The following SYNE3 variants were observed in gnomAD, a reference collection of about 807,000 sequenced individuals.
SYNE3 encodes spectrin repeat containing nuclear envelope family member 3.
A neutral mutation model predicts 111.2 loss-of-function variants in SYNE3; 100 were observed. The observed-to-expected ratio is 0.90, with a 90% confidence interval of 0.77 to 1.06. The LOEUF (loss-of-function observed/expected upper bound fraction) is 1.06, where lower values mean the gene tolerates loss of function less well. Ranked by LOEUF, SYNE3 falls within the 50% of genes least tolerant of loss-of-function variation. SYNE3 has a pLI of 0.00. For synonymous variants in SYNE3, 547 were observed against 533.9 expected (o/e 1.02, Z -0.34); for missense variants, 1,160 against 1,240.3 (o/e 0.94, Z 0.97).
At chr14:95,446,155 G>A in intron 8 of SYNE3, 64 bp from the exon 9 acceptor site, 1 of 1,579,236 alleles carries the variant, frequency 6.3e-7, no homozygotes, top group Non-Finnish European at 8.6e-7. Flanking sequence ...AACAGAGCCA[G>A]GGGCACAACT....
chr14:95,505,367 C>G (rs1365786302), intron 1 of SYNE3, among the ~76,000 whole-genome samples: 1 of 152,200 alleles, frequency 6.6e-6, no homozygotes, highest in Non-Finnish European at 1.5e-5. Context: ...GGAAACCCTG[C>G]TATGCATACA....
chr14:95,501,427 G>T (rs750977391), intron 1 of SYNE3, among the ~76,000 whole-genome samples: 3 of 152,180 alleles, frequency 2.0e-5, no homozygotes, highest in Non-Finnish European at 2.9e-5. Flanking sequence ...TCTTTGCTCC[G>T]TGTGTTCAGC....
rs769776181 is a variant in SYNE3 at position 95,468,010 on chromosome 14, CA to C, written c.145-44del. The stretch of plus-strand genomic sequence containing the variant: ...GCCAGTTTCCAGGGTTGGCAAAAGG[CA>C]GACAGGCACAACCTTGGGAAGATAG... On this transcript the variant is annotated intron_variant, in intron 2 of 17. Coordinates refer to ENST00000682763, the MANE Select transcript of SYNE3 (RefSeq NM_152592.6). 3.8e-6 allele frequency: 6 copies of C among 1,580,034 alleles called. No individual in the cohort carries two copies. In the East Asian group the frequency reaches 1.1e-4, roughly 30 times the overall value.
intron 1 of SYNE3, 23 bp from the exon 2 acceptor site, chr14:95,475,858 G>C: frequency 6.8e-7 from 1 of 1,464,360 alleles, no homozygotes; most frequent in Non-Finnish European, 9.1e-7. Context: ...CCACAGATAA[G>C]GCCAACAGGC....
At chr14:95,486,361 C>G (rs73343123) in intron 1 of SYNE3, among the ~76,000 whole-genome samples, 1 of 151,990 alleles carries the variant, frequency 6.6e-6, no homozygotes, top group African/African-American at 2.4e-5. Context: ...TCCCCCAGGC[C>G]ACCCCCCACC....
chr14:95,503,946 C>T (rs1304172260), intron 1 of SYNE3, among the ~76,000 whole-genome samples: 1 of 152,114 alleles, frequency 6.6e-6, no homozygotes, highest in Non-Finnish European at 1.5e-5. Context: ...AACTGAAATG[C>T]TTAGAAGAGT....
rs1903396859 is a variant in SYNE3, at chr14:95,410,143, T to C, written c.*7683A>G. 1 of 152,820 alleles carries C rather than the reference T, an allele frequency of 6.5e-6. No individual in the cohort carries two copies. Among genetic ancestry groups the C allele is most frequent in the Non-Finnish European group, 1.5e-5 (1 of 68,554 alleles). The allele number at this position is 152,820 out of a possible 1,614,324, so 9.5% of individuals were successfully genotyped here. A position where few individuals can be genotyped will look rare whatever the true frequency, so the allele number is the denominator to read the frequency against. On this transcript the variant is annotated 3_prime_UTR_variant, in exon 18 of 18. Coordinates refer to ENST00000682763, the MANE Select transcript of SYNE3 (RefSeq NM_152592.6). ...CGGTTCCCAAGCCTTGCAGGAAGAA[T>C]GTCTACAATGCCTTTGGGTAGACCT...
chr14:95,506,714 G>T (rs1234782061), intron 1 of SYNE3, among the ~76,000 whole-genome samples: 1 of 152,196 alleles, frequency 6.6e-6, no homozygotes, highest in Non-Finnish European at 1.5e-5. Flanking sequence ...TGGAACGGGC[G>T]TGACCCAGCA....
chr14:95,443,405 C>T (rs1886519182), intron 10 of SYNE3, 116 bp from the exon 11 acceptor site: 6 of 1,329,154 alleles, frequency 4.5e-6, no homozygotes, highest in African/African-American at 3.0e-5. Flanking sequence ...TTCCCCAAGG[C>T]GGTGGGGCTC....
Position 95,454,566 on chromosome 14 carries a change from G to T in SYNE3, c.1137+811C>A, listed in dbSNP as rs547568401. On this transcript the variant is annotated intron_variant, in intron 6 of 17. Coordinates refer to ENST00000682763, the MANE Select transcript of SYNE3 (RefSeq NM_152592.6). ...AAAGCAGGGGACAGTTCCCTTTGGA[G>T]GAAGGTGATAACTGCAGGGTAACCT... is the stretch of plus-strand genomic sequence containing the variant. Among the ~76,000 whole-genome samples, 26 of 152,372 alleles carry T rather than the reference G, an allele frequency of 1.7e-4. 1 individual carries two copies. Among genetic ancestry groups the T allele is most frequent in the Middle Eastern group, 6.8e-3 (2 of 294 alleles).
rs751938689 is a variant in SYNE3, at chr14:95,436,977, T to C, written c.2381A>G (p.Asn794Ser). 10 of 1,608,618 alleles carry C rather than the reference T, an allele frequency of 6.2e-6. No homozygotes were observed. The highest frequency in any genetic ancestry group is 7.6e-6 in the Non-Finnish European group (9 of 1,177,152). Residue 794 changes from asparagine (N) to serine (S), a missense_variant, in exon 15 of 18, where the codon AAT (asparagine) becomes AGT (serine). Asn to Ser is a conservative substitution (Grantham distance 46, BLOSUM62 1). Coordinates refer to ENST00000682763, the MANE Select transcript of SYNE3 (RefSeq NM_152592.6). Reference sequence around the variant, plus strand: ...GCTCCCTTCTTCTTCCTGTAGAAGATTTGCCTGTAGGATCACACACGGCCA... The same window carrying C: ...GCTCCCTTCTTCTTCCTGTAGAAGACTTGCCTGTAGGATCACACACGGCCA... ...DPIPRHRRRANLLQEEEGSHE... is the reference protein window; with the variant it reads ...DPIPRHRRRASLLQEEEGSHE...
chr14:95,458,686 C>T (rs1054219668), intron 4 of SYNE3, among the ~76,000 whole-genome samples: 3 of 152,224 alleles, frequency 2.0e-5, no homozygotes, highest in African/African-American at 4.8e-5. Flanking sequence ...GGCATCGTCA[C>T]CCACTGGGGG....
chr14:95,466,057 C>G lies in SYNE3; in HGVS notation c.501G>C (p.Ala167=). The change falls in exon 4 of 18, where the codon GCG becomes GCC. Residue 167 remains alanine, a synonymous_variant. Coordinates refer to ENST00000682763, the MANE Select transcript of SYNE3 (RefSeq NM_152592.6). ...CCTCCAGCAGCCGGTCCAGGAGCAC[C>G]GCCTGGTTGTCCACGTTGTGCAGCA... is the stretch of plus-strand genomic sequence containing the variant. ...QVLLHNVDNQ[A]VLLDRLLEEA... 6.2e-7 allele frequency: 1 copy of G among 1,613,394 alleles called. No individual in the cohort carries two copies. Among genetic ancestry groups the G allele is most frequent in the African/African-American group, 1.3e-5 (1 of 75,034 alleles).
chr14:95,428,729 C>T (rs1335008857), intron 17 of SYNE3, among the ~76,000 whole-genome samples: 1 of 152,228 alleles, frequency 6.6e-6, no homozygotes, highest in South Asian at 2.1e-4. Context: ...TGCCATTTCA[C>T]GTGTCTCAAT....
chr14:95,482,196 G>C (rs1889301343), intron 1 of SYNE3, among the ~76,000 whole-genome samples: 1 of 149,994 alleles, frequency 6.7e-6, no homozygotes, highest in Non-Finnish European at 1.5e-5. Flanking sequence ...CACTTTGGGA[G>C]GTCAAGGCAG....
At chr14:95,451,490 G>A (rs1887072988) in intron 7 of SYNE3, 1 of 152,198 alleles carries the variant, frequency 6.6e-6, no homozygotes, top group Non-Finnish European at 1.5e-5. Flanking sequence ...TTTGTGCACA[G>A]GAAATCCAAC....
At chr14:95,466,327 A>C in intron 3 of SYNE3, 87 bp from the exon 4 acceptor site, 14 of 1,406,746 alleles carry the variant, frequency 1.0e-5, no homozygotes, top group South Asian at 1.4e-5. Context: ...CCTCCCCAAT[A>C]CTAGGGGGCT....
intron 15 of SYNE3, among the ~76,000 whole-genome samples, chr14:95,434,036 G>A (rs1454565801): frequency 1.3e-5 from 2 of 152,030 alleles, no homozygotes; most frequent in Non-Finnish European, 2.9e-5. Flanking sequence ...TTAACTTGAG[G>A]AACGGAAAGT....
intron 11 of SYNE3, among the ~76,000 whole-genome samples, 176 bp from the exon 12 acceptor site, chr14:95,440,251 C>G (rs1886342618): frequency 6.6e-6 from 1 of 152,222 alleles, no homozygotes; most frequent in African/African-American, 2.4e-5. Context: ...AGGAATTTAC[C>G]CTTGGAAGAT....
Sources: gnomAD v4.1 joint callset for allele counts (sites outside exome capture counted in the v4.1 genomes callset) on GRCh38, gnomAD v4.1.1 for gene constraint, MANE v1.5 for transcripts, NCBI Gene and HGNC (gene_info 2026-07-23, HGNC 2026-07-21) for gene names.